The following RSBN1 variants were observed in gnomAD, a reference collection of about 807,000 sequenced individuals.
RSBN1 encodes lysine-specific demethylase 9.
Under a neutral mutation model 74.8 loss-of-function variants are expected in RSBN1, and 23 were observed. The observed-to-expected ratio is 0.31, with a 90% CI of 0.22 to 0.44. The LOEUF is 0.44. Among genes scored for constraint, RSBN1 ranks in the 20% least tolerant of loss-of-function variants. The probability of loss-of-function intolerance (pLI) is 1.00; values close to 1 mark genes in which losing one functional copy is unlikely to be tolerated. For synonymous variants in RSBN1, 407 were observed against 379.6 expected (o/e 1.07, Z -0.84); for missense variants, 808 against 1,020.9 (o/e 0.79, Z 2.84).
At chr1:113,798,365 A>G in intron 1 of RSBN1, among the ~76,000 whole-genome samples, 1 of 152,238 alleles carries the variant, frequency 6.6e-6, no homozygotes, top group Non-Finnish European at 1.5e-5. Flanking sequence ...TACGATAGCT[A>G]AATATGATGA....
At chr1:113,794,641 G>C (rs1338334189) in intron 2 of RSBN1, among the ~76,000 whole-genome samples, 1 of 152,200 alleles carries the variant, frequency 6.6e-6, no homozygotes, top group Non-Finnish European at 1.5e-5. Flanking sequence ...TTTCAAGATT[G>C]TACTCAAGCA....
intron 2 of RSBN1, among the ~76,000 whole-genome samples, chr1:113,794,642 T>C (rs898967493): frequency 6.6e-6 from 1 of 152,224 alleles, no homozygotes; most frequent in Non-Finnish European, 1.5e-5. Context: ...TTCAAGATTG[T>C]ACTCAAGCAT....
chr1:113,812,471 T>C lies in RSBN1; in HGVS notation c.-59A>G. 2.0e-6 allele frequency: 3 copies of C among 1,485,518 alleles called. No homozygotes were observed. Among genetic ancestry groups the C allele is most frequent in the Non-Finnish European group, 1.8e-6 (2 of 1,120,096 alleles). 92.0% of individuals were successfully genotyped at this position (1,485,518 alleles called of 1,614,324 possible). A position where few individuals can be genotyped will look rare whatever the true frequency, so the allele number is the denominator to read the frequency against. On this transcript the variant is annotated 5_prime_UTR_variant, in exon 1 of 7. Coordinates refer to ENST00000261441, the MANE Select transcript of RSBN1 (RefSeq NM_018364.5). ...GGCCTCTCCAACCGAGCTTCTATTGTAAAGCACCCTATGCCGCGCAAAGCG... is the reference window on the plus strand; with the variant it reads ...GGCCTCTCCAACCGAGCTTCTATTGCAAAGCACCCTATGCCGCGCAAAGCG...
chr1:113,802,897 T>A (rs747926712), intron 1 of RSBN1, among the ~76,000 whole-genome samples: 1 of 152,196 alleles, frequency 6.6e-6, no homozygotes, highest in Non-Finnish European at 1.5e-5. Context: ...TCACTCTTGT[T>A]GTACATTCTG....
intron 4 of RSBN1, among the ~76,000 whole-genome samples, chr1:113,773,351 C>T (rs1205928219): frequency 6.6e-6 from 1 of 152,114 alleles, no homozygotes; most frequent in African/African-American, 2.4e-5. Context: ...ATGGCGAAAC[C>T]CCTCTTTACT....
chr1:113,801,687 G>A (rs1443088690), intron 1 of RSBN1, among the ~76,000 whole-genome samples: 1 of 152,176 alleles, frequency 6.6e-6, no homozygotes, highest in Non-Finnish European at 1.5e-5. Context: ...CAGAAAAAGA[G>A]CCAACCTACA....
At chr1:113,776,287 G>A (rs1660023586) in intron 4 of RSBN1, among the ~76,000 whole-genome samples, 1 of 152,180 alleles carries the variant, frequency 6.6e-6, no homozygotes. Context: ...ATAAAAACAT[G>A]TAAACAAAAC....
At chr1:113,784,014 A>G (rs1301988053) in intron 2 of RSBN1, among the ~76,000 whole-genome samples, 2 of 152,208 alleles carry the variant, frequency 1.3e-5, no homozygotes, top group Non-Finnish European at 2.9e-5. Flanking sequence ...GATCTGGCCT[A>G]AAAAATATCT....
intron 2 of RSBN1, among the ~76,000 whole-genome samples, chr1:113,783,888 G>C (rs972646855): frequency 5.9e-5 from 9 of 152,172 alleles, no homozygotes; most frequent in African/African-American, 2.2e-4. Context: ...TTTTGTTCTA[G>C]CCACTGCACA....
At position 113,761,932 on chromosome 1, in the gene RSBN1, T is replaced by C. The variant is rs2101784032; in HGVS notation, c.*4048A>G. On this transcript the variant is annotated 3_prime_UTR_variant, in exon 7 of 7. Transcript: ENST00000261441. ...ATTTTACAAAGAAATAGCTTAACAATTTAACACACTTAGACAGCTACAAAA... is the reference window on the plus strand; with the variant it reads ...ATTTTACAAAGAAATAGCTTAACAACTTAACACACTTAGACAGCTACAAAA... 1.3e-5 allele frequency: 2 copies of C among 152,578 alleles called. 1 individual carries two copies. The highest frequency in any genetic ancestry group is 4.1e-4 in the South Asian group (2 of 4,820). The allele number at this position is 152,578 out of a possible 1,614,324, so 9.5% of individuals were successfully genotyped here. A position where few individuals can be genotyped will look rare whatever the true frequency, so the allele number is the denominator to read the frequency against.
chr1:113,788,193 T>C (rs2101808861), intron 2 of RSBN1, among the ~76,000 whole-genome samples: 1 of 151,426 alleles, frequency 6.6e-6, no homozygotes, highest in Non-Finnish European at 1.5e-5. Context: ...AAAAAGACAA[T>C]GAAAAATATA....
Position 113,765,765 on chromosome 1 carries a change from C to A in RSBN1, c.*215G>T. ...CTTAAAACAGAAAGTAGCAGCAGAC[C>A]CACTATTACATACTGTACTAACGGG... On this transcript the variant is annotated 3_prime_UTR_variant, in exon 7 of 7. Coordinates refer to ENST00000261441, the MANE Select transcript of RSBN1 (RefSeq NM_018364.5). 2 of 437,040 alleles carry A rather than the reference C, an allele frequency of 4.6e-6. No homozygotes were observed. Among genetic ancestry groups the A allele is most frequent in the South Asian group, 5.6e-5 (1 of 17,976 alleles). The allele number at this position is 437,040 out of a possible 1,614,324, so 27.1% of individuals were successfully genotyped here.
intron 2 of RSBN1, among the ~76,000 whole-genome samples, chr1:113,778,514 G>C (rs1340869044): frequency 6.6e-6 from 1 of 151,998 alleles, no homozygotes; most frequent in African/African-American, 2.4e-5. Context: ...TGGCCAGGCT[G>C]GTCTTGAACT....
intron 2 of RSBN1, among the ~76,000 whole-genome samples, chr1:113,784,246 T>C (rs981888642): frequency 8.5e-5 from 13 of 152,152 alleles, no homozygotes; most frequent in Non-Finnish European, 1.5e-4. Context: ...TACAGTCATG[T>C]GTCACCTAAT....
intron 2 of RSBN1, among the ~76,000 whole-genome samples, chr1:113,781,390 G>C (rs1660137515): frequency 6.6e-6 from 1 of 152,118 alleles, no homozygotes; most frequent in Non-Finnish European, 1.5e-5. Context: ...CCAAATTCAA[G>C]GAATGCTTTG....
chr1:113,768,895 TG>T (rs67862627), intron 4 of RSBN1, among the ~76,000 whole-genome samples: 39,417 of 151,522 alleles, frequency 0.26, 5,686 homozygotes, highest in East Asian at 0.61. Flanking sequence ...TAGAATTTCT[TG>T]GAAGTGGGAA....
rs759752848 is a variant in RSBN1 at position 113,812,286 on chromosome 1, A to G, written c.127T>C (p.Cys43Arg). Residue 43 changes from cysteine (C) to arginine (R), a missense_variant, in exon 1 of 7, where the codon TGT (cysteine) becomes CGT (arginine). Transcript: ENST00000261441. ...ADGGAVGPFK[C>R]VFVGEMAAQV... Reference sequence around the variant, plus strand: ...GCAGCCATTTCACCCACAAACACACATTTAAATGGCCCGACCGCCCCCCCG... The same window carrying G: ...GCAGCCATTTCACCCACAAACACACGTTTAAATGGCCCGACCGCCCCCCCG... 1.9e-6 allele frequency: 3 copies of G among 1,604,872 alleles called. No homozygotes were observed. Among genetic ancestry groups the G allele is most frequent in the East Asian group, 2.2e-5 (1 of 44,808 alleles).
intron 2 of RSBN1, among the ~76,000 whole-genome samples, chr1:113,783,827 A>G (rs185830792): frequency 5.3e-5 from 8 of 152,350 alleles, no homozygotes; most frequent in African/African-American, 1.9e-4. Context: ...ATCCTGGATG[A>G]CAACAAGGAA....
chr1:113,790,090 A>AG (rs765688178), intron 2 of RSBN1, among the ~76,000 whole-genome samples: 2 of 152,182 alleles, frequency 1.3e-5, no homozygotes, highest in Non-Finnish European at 2.9e-5. Flanking sequence ...GTTTATTTAG[A>AG]GAAAAAAAAA....
Sources: allele counts gnomAD v4.1 joint callset (sites outside exome capture counted in the v4.1 genomes callset), GRCh38; gene constraint gnomAD v4.1.1; transcripts MANE v1.5; gene names NCBI Gene and HGNC (gene_info 2026-07-23, HGNC 2026-07-21).